Variants in GRIP1 observed in about 807,000 individuals in gnomAD.
The protein encoded by GRIP1 is glutamate receptor interacting protein 1, also known as glutamate receptor-interacting protein 1.
In GRIP1, 45 loss-of-function variants were observed where a neutral mutation model predicts 129.9. That is an observed-to-expected ratio of 0.35 (90% CI 0.27 to 0.44). The LOEUF (loss-of-function observed/expected upper bound fraction) is 0.44. Among genes scored for constraint, GRIP1 ranks in the 20% least tolerant of loss-of-function variants. The pLI is 1.00. For missense variants in GRIP1, 1,196 were observed against 1,396.8 expected, an observed-to-expected ratio of 0.86 and a Z score of 2.29; for synonymous variants, 530 against 520.8, an observed-to-expected ratio of 1.02 and a Z score of -0.24.
chr12:66,712,374 T>C (rs1447234838), intron 1 of GRIP1, among the ~76,000 whole-genome samples: 2 of 151,928 alleles, frequency 1.3e-5, no homozygotes, highest in Admixed American at 6.6e-5. Context: ...GATGTATATA[T>C]AGGAATGTTA....
At chr12:66,746,870 G>T (rs2036964547) in intron 1 of GRIP1, among the ~76,000 whole-genome samples, 1 of 152,162 alleles carries the variant, frequency 6.6e-6, no homozygotes, top group African/African-American at 2.4e-5. Context: ...TTTCAGCTGG[G>T]AAGGCTTCCA....
At position 66,959,878 on chromosome 12, in the gene GRIP1, G is replaced by T. The variant is rs551190118; in HGVS notation, c.58+109172C>A. Among the ~76,000 whole-genome samples the T allele has an allele frequency of 7.0e-4, 107 of 152,118 alleles. 3 individuals carry two copies. The South Asian group carries it at 0.011, about 15-fold the overall frequency. ...CATGCATACACAAAAATATGAAACC[G>T]ATGTCACCATCTTCATTATAGTAGC... On this transcript the variant is annotated intron_variant, in intron 1 of 1. Transcript: ENST00000643019.
At chr12:66,549,940 G>T (rs1048126263) in intron 2 of GRIP1, among the ~76,000 whole-genome samples, 1 of 152,038 alleles carries the variant, frequency 6.6e-6, no homozygotes, top group African/African-American at 2.4e-5. Context: ...AAAAATATGT[G>T]ACCCCTGAAG....
At chr12:66,690,691 C>A (rs112280900) in intron 1 of GRIP1, among the ~76,000 whole-genome samples, 1,892 of 149,688 alleles carry the variant, frequency 0.013, 50 homozygotes, top group African/African-American at 0.044. Flanking sequence ...CATAGCGAGA[C>A]CTTGTCTCTA....
At chr12:66,862,596 T>G (rs533873231) in intron 1 of GRIP1, among the ~76,000 whole-genome samples, 1 of 152,104 alleles carries the variant, frequency 6.6e-6, no homozygotes, top group Admixed American at 6.6e-5. Flanking sequence ...GCCCACAGGG[T>G]GAAGAGCATG....
intron 7 of GRIP1, among the ~76,000 whole-genome samples, chr12:66,505,719 G>C (rs915982879): frequency 6.6e-6 from 1 of 152,064 alleles, no homozygotes; most frequent in Non-Finnish European, 1.5e-5. Flanking sequence ...TAACCCAAAA[G>C]TTTGTTGGAA....
intron 1 of GRIP1, among the ~76,000 whole-genome samples, chr12:66,648,080 C>A (rs1485714589): frequency 6.6e-6 from 1 of 152,136 alleles, no homozygotes; most frequent in Non-Finnish European, 1.5e-5. Flanking sequence ...CTCTTCCCCC[C>A]TCCCTCCACC....
intron 1 of GRIP1, among the ~76,000 whole-genome samples, chr12:66,639,751 C>T (rs2031755819): frequency 6.6e-6 from 1 of 152,198 alleles, no homozygotes; most frequent in African/African-American, 2.4e-5. Flanking sequence ...ACATCTGCTT[C>T]AAATATCCTC....
Position 66,456,187 on chromosome 12 carries a change from G to T in GRIP1, c.1198C>A (p.Pro400Thr). ...FPKAPPPNSP[P>T]ALVSSSFSPT... ...AGGAGGAGAAAGCATGGAACATTACGAGGGCTGTTTGGAGGAGGTGCTTTC... is the reference window on the plus strand; with the variant it reads ...AGGAGGAGAAAGCATGGAACATTACTAGGGCTGTTTGGAGGAGGTGCTTTC... Residue 400 changes from proline (P) to threonine (T), a missense_variant and splice_region_variant, in exon 10 of 25, where the codon CCA becomes ACA. Pro to Thr is a conservative substitution (Grantham distance 38). Transcript: ENST00000359742. 5 of 1,286,250 alleles carry T rather than the reference G, an allele frequency of 3.9e-6. No homozygotes were observed. Among genetic ancestry groups the T allele is most frequent in the Middle Eastern group, 4.3e-4 (2 of 4,684 alleles). The allele number at this position is 1,286,250 out of a possible 1,614,324, so 79.7% of individuals were successfully genotyped here.
At chr12:66,862,715 C>G (rs142116834) in intron 1 of GRIP1, among the ~76,000 whole-genome samples, 227 of 152,148 alleles carry the variant, frequency 1.5e-3, no homozygotes, top group South Asian at 1.5e-3. Context: ...CCCTCCCCAA[C>G]AGAGCTTTAT....
At chr12:66,948,340 T>A (rs2041703226) in intron 1 of GRIP1, among the ~76,000 whole-genome samples, 1 of 152,226 alleles carries the variant, frequency 6.6e-6, no homozygotes, top group Non-Finnish European at 1.5e-5. Context: ...TTCATTCTTC[T>A]CCACTTCACT....
chr12:66,979,473 C>T (rs932098397), intron 1 of GRIP1, among the ~76,000 whole-genome samples: 8 of 152,032 alleles, frequency 5.3e-5, no homozygotes, highest in African/African-American at 1.4e-4. Context: ...TTCACGAACC[C>T]GTCAAAACAC....
At chr12:66,395,441 A>T (rs1263073727) in intron 16 of GRIP1, among the ~76,000 whole-genome samples, 1 of 152,238 alleles carries the variant, frequency 6.6e-6, no homozygotes, top group Non-Finnish European at 1.5e-5. Flanking sequence ...TGCAGTGAGC[A>T]GCTGTTCGTT....
chr12:66,612,310 A>G (rs2064836338), intron 1 of GRIP1, among the ~76,000 whole-genome samples: 1 of 152,146 alleles, frequency 6.6e-6, no homozygotes, highest in Non-Finnish European at 1.5e-5. Flanking sequence ...ATAAACCTAT[A>G]CAGCATGTGA....
intron 1 of GRIP1, among the ~76,000 whole-genome samples, chr12:66,696,134 A>T (rs75133599): frequency 6.7e-6 from 1 of 149,900 alleles, no homozygotes; most frequent in African/African-American, 2.4e-5. Flanking sequence ...TCAAAACCCC[A>T]TTTTTTTTTT....
At position 66,628,454 on chromosome 12, in the gene GRIP1, T is replaced by C. The variant is rs76128697; in HGVS notation, c.56-31527A>G. 4.2e-3 allele frequency among the ~76,000 whole-genome samples: 639 copies of C among 152,262 alleles called. 8 individuals carry two copies. Among genetic ancestry groups the C allele is most frequent in the African/African-American group, 0.015 (603 of 41,550 alleles). On this transcript the variant is annotated intron_variant, in intron 1 of 24. Transcript: ENST00000359742. ...TCAGCAGGAAATCTAAACTAGCTTG[T>C]TCCTTTTCTCATTTTCCCTCCTCCT...
At chr12:67,016,102 T>A (rs2042781893) in intron 1 of GRIP1, among the ~76,000 whole-genome samples, 1 of 152,234 alleles carries the variant, frequency 6.6e-6, no homozygotes, top group Admixed American at 6.5e-5. Flanking sequence ...GTTTTAGCTG[T>A]CTATATATTT....
chr12:66,354,069 A>G (rs754358753), intron 23 of GRIP1, among the ~76,000 whole-genome samples: 8 of 152,174 alleles, frequency 5.3e-5, no homozygotes, highest in African/African-American at 9.7e-5. Context: ...GGAACCCCCA[A>G]TGAGCACCAT....
chr12:66,413,945 A>T (rs7300576), intron 15 of GRIP1, among the ~76,000 whole-genome samples: 6 of 152,138 alleles, frequency 3.9e-5, no homozygotes, highest in African/African-American at 1.4e-4. Context: ...AAGGAACATA[A>T]CTCAAAATAG....
Sources: allele counts gnomAD v4.1 joint callset (sites outside exome capture counted in the v4.1 genomes callset), GRCh38; gene constraint gnomAD v4.1.1; transcripts MANE v1.5; gene names NCBI Gene and HGNC (gene_info 2026-07-23, HGNC 2026-07-21).